The following VAV2 variants were observed in gnomAD, a reference collection of about 807,000 sequenced individuals.
The protein encoded by VAV2 is guanine nucleotide exchange factor VAV2.
VAV2 carries 67 observed loss-of-function variants against 132.5 expected under a neutral mutation model. The observed-to-expected ratio is 0.51, with a 90% CI of 0.42 to 0.62. VAV2 has a LOEUF of 0.62. Ranked by LOEUF, VAV2 falls within the 20% of genes least tolerant of loss-of-function variation. VAV2 has a pLI of 0.00. For synonymous variants in VAV2, 492 were observed against 443.5 expected, an observed-to-expected ratio of 1.11 and a Z score of -1.37; for missense variants, 938 against 1,153.6, an observed-to-expected ratio of 0.81 and a Z score of 2.71.
chr9:133,889,939 G>C (rs1443444678), intron 2 of VAV2, among the ~76,000 whole-genome samples: 1 of 152,138 alleles, frequency 6.6e-6, no homozygotes, highest in African/African-American at 2.4e-5. Flanking sequence ...ACATGACCCC[G>C]CAGGGCCACT....
rs79531792 is a variant in VAV2 at position 133,826,068 on chromosome 9, C to T, written c.449+8204G>A. Among the ~76,000 whole-genome samples the T allele has an allele frequency of 3.7e-3, 567 of 152,308 alleles. 6 individuals are homozygous for T. Among genetic ancestry groups the T allele is most frequent in the African/African-American group, 0.013 (545 of 41,558 alleles). Reference sequence around the variant, plus strand: ...TTTAAGCCTGAAAATCACTTCAACTCCCAGGAAAGTGAAACCAGTGTTATG... The same window carrying T: ...TTTAAGCCTGAAAATCACTTCAACTTCCAGGAAAGTGAAACCAGTGTTATG... On this transcript the variant is annotated intron_variant, in intron 4 of 29. Transcript: ENST00000371850. The surrounding 1 kb of genome is among the most constrained non-coding windows in gnomAD (Gnocchi z 4.2).
At chr9:133,955,910 G>C (rs943017825) in intron 1 of VAV2, among the ~76,000 whole-genome samples, 1 of 149,046 alleles carries the variant, frequency 6.7e-6, no homozygotes, top group Non-Finnish European at 1.5e-5. Context: ...AGTTCCTGCC[G>C]CTTCCGCTCA....
In VAV2 at chr9:133,797,791, C is replaced by T; in HGVS notation, c.855G>A (p.Glu285=). Residue 285 remains glutamate (E), a synonymous_variant, in exon 10 of 30, where the codon GAG becomes GAA. Transcript: ENST00000371850. Reference sequence around the variant, plus strand: ...GGGCGTGCTCCATGTGGCTGCAGTACTCCCCGTAGATCAGAAGCCTGGACG... The same window carrying T: ...GGGCGTGCTCCATGTGGCTGCAGTATTCCCCGTAGATCAGAAGCCTGGACG... ...DFKERLLIYG[E]YCSHMEHAQN... 1 of 1,614,030 alleles carries T rather than the reference C, an allele frequency of 6.2e-7. No individual in the cohort carries two copies. The highest frequency in any genetic ancestry group is 8.5e-7 in the Non-Finnish European group (1 of 1,179,928).
At chr9:133,770,321 G>A in intron 27 of VAV2, 57 bp downstream of exon 27, 1 of 1,608,102 alleles carries the variant, frequency 6.2e-7, no homozygotes, top group Non-Finnish European at 8.5e-7. Flanking sequence ...CCTGGGAAGT[G>A]GGCCAGGGCA....
intron 2 of VAV2, among the ~76,000 whole-genome samples, chr9:133,868,481 G>A (rs1564420197): frequency 6.6e-6 from 1 of 152,230 alleles, no homozygotes; most frequent in Non-Finnish European, 1.5e-5. Context: ...CCGTGTGGCT[G>A]TAGGTGAATG....
rs754386361 is a variant in VAV2 at position 133,810,143 on chromosome 9, A to C, written c.567+48T>G. 4 of 1,611,836 alleles carry C rather than the reference A, an allele frequency of 2.5e-6. No homozygotes were observed. In the East Asian group the frequency reaches 8.9e-5, roughly 36 times the overall value. On this transcript the variant is annotated intron_variant, in intron 6 of 29. Transcript: ENST00000371850. Reference sequence around the variant, plus strand: ...CTGAGACCTCCCTGAAAGGTCAAGAAGACGGCGCAGGCAGGACGTCCCCAG... The same window carrying C: ...CTGAGACCTCCCTGAAAGGTCAAGACGACGGCGCAGGCAGGACGTCCCCAG...
intron 1 of VAV2, among the ~76,000 whole-genome samples, chr9:133,951,944 G>A (rs1018943922): frequency 5.3e-5 from 8 of 152,146 alleles, no homozygotes; most frequent in Middle Eastern, 3.2e-3. Flanking sequence ...CAGTGCCAGC[G>A]TGGTCAGGTT....
chr9:133,881,676 C>T (rs1229781254), intron 2 of VAV2, among the ~76,000 whole-genome samples: 1 of 152,134 alleles, frequency 6.6e-6, no homozygotes, highest in African/African-American at 2.4e-5. Context: ...TACAAGTGGC[C>T]GGGAACTTTG....
chr9:133,838,381 CG>C (rs1450763026), intron 3 of VAV2, among the ~76,000 whole-genome samples: 6 of 139,860 alleles, frequency 4.3e-5, no homozygotes, highest in African/African-American at 1.6e-4. Context: ...GGATAGATGG[CG>C]GGGGGTGGAT....
chr9:133,948,632 C>T (rs78782665), intron 1 of VAV2, among the ~76,000 whole-genome samples: 1,600 of 152,290 alleles, frequency 0.011, 28 homozygotes, highest in African/African-American at 0.037. Flanking sequence ...GCAACAACAG[C>T]GTGTCTCGTT....
At position 133,769,657 on chromosome 9, in the gene VAV2, G is replaced by A. The variant is rs1236887925; in HGVS notation, c.2348-154C>T. ...GCAAAGGAGGCAGGGGGCAGCACGG[G>A]TTGTCAAGCCCCACCCAGGCACAGG... On this transcript the variant is annotated intron_variant, in intron 27 of 29. Transcript: ENST00000371850. The surrounding 1 kb of genome is among the most constrained non-coding windows in gnomAD (Gnocchi z 8.1). 6.6e-6 allele frequency among the ~76,000 whole-genome samples: 1 copy of A among 152,198 alleles called. No individual in the cohort carries two copies. Among genetic ancestry groups the A allele is most frequent in the Admixed American group, 6.5e-5 (1 of 15,288 alleles).
intron 9 of VAV2, among the ~76,000 whole-genome samples, chr9:133,801,118 G>A (rs10118332): frequency 0.037 from 5,672 of 152,266 alleles, 341 homozygotes; most frequent in African/African-American, 0.13. Context: ...ACTCACACAC[G>A]GCTGTGAGTG....
Position 133,784,428 on chromosome 9 carries a change from G to A in VAV2, c.1533-10C>T, listed in dbSNP as rs374411812. 23 of 1,613,888 alleles carry A rather than the reference G, an allele frequency of 1.4e-5. No individual in the cohort carries two copies. The highest frequency in any genetic ancestry group is 1.9e-5 in the Non-Finnish European group (23 of 1,179,844). ...TGGCTTGATGTTTGACCTGGCAGGAGGGAAAGAGAGCAGATGCTACACCCA... is the reference window on the plus strand; with the variant it reads ...TGGCTTGATGTTTGACCTGGCAGGAAGGAAAGAGAGCAGATGCTACACCCA... On this transcript the variant is annotated splice_polypyrimidine_tract_variant and intron_variant, in intron 17 of 29. Transcript: ENST00000371850.
intron 2 of VAV2, among the ~76,000 whole-genome samples, chr9:133,865,871 A>C (rs1837778480): frequency 6.6e-6 from 1 of 152,248 alleles, no homozygotes; most frequent in Non-Finnish European, 1.5e-5. Context: ...TCTGAGAGAC[A>C]TAACTATGAG....
At chr9:133,790,334 G>A (rs761578468) in intron 13 of VAV2, among the ~76,000 whole-genome samples, 1 of 152,096 alleles carries the variant, frequency 6.6e-6, no homozygotes, top group African/African-American at 2.4e-5. Flanking sequence ...CCGCCAGCAC[G>A]CCTGGCTAAT....
At chr9:133,981,387 G>C (rs1842688821) in intron 1 of VAV2, among the ~76,000 whole-genome samples, 1 of 152,250 alleles carries the variant, frequency 6.6e-6, no homozygotes, top group Non-Finnish European at 1.5e-5. Flanking sequence ...GAGAGGGGAG[G>C]GGAAGAGAGG....
At chr9:133,921,756 G>A (rs968539273) in intron 2 of VAV2, among the ~76,000 whole-genome samples, 4 of 152,216 alleles carry the variant, frequency 2.6e-5, no homozygotes, top group Non-Finnish European at 4.4e-5. Flanking sequence ...GGAGGGGCTC[G>A]GCCACACACA....
chr9:133,820,376 T>G (rs1057111300), intron 4 of VAV2, among the ~76,000 whole-genome samples: 1 of 151,134 alleles, frequency 6.6e-6, no homozygotes, highest in Non-Finnish European at 1.5e-5. Context: ...CAGGCTGAAG[T>G]GCAGTGGCAC....
rs541876467 is a variant in VAV2, at chr9:133,854,197, CAA to C, written c.380+7175_380+7176del. On this transcript the variant is annotated intron_variant, in intron 3 of 29. Coordinates refer to ENST00000371850, the MANE Select transcript of VAV2 (RefSeq NM_001134398.2). ...CACACCCCATGTACCTGCACACACA[CAA>C]ATCTGCAATGCACACACACACCCAT... 1.6e-3 allele frequency among the ~76,000 whole-genome samples: 244 copies of C among 149,324 alleles called. 1 individual carries two copies. The highest frequency in any genetic ancestry group is 6.1e-3 in the African/African-American group (239 of 39,248).
Sources: allele counts gnomAD v4.1 joint callset (sites outside exome capture counted in the v4.1 genomes callset), GRCh38; gene constraint gnomAD v4.1.1; non-coding constraint Gnocchi (gnomAD v3.1); transcripts MANE v1.5; gene names NCBI Gene and HGNC (gene_info 2026-07-23, HGNC 2026-07-21).